Variants in LRRC37A2 observed in about 807,000 individuals in gnomAD.
LRRC37A2 encodes leucine rich repeat containing 37 member A2, also known as leucine-rich repeat-containing protein 37A2.
LRRC37A2 carries 9 observed loss-of-function variants against 68.8 expected under a neutral mutation model. That is an observed-to-expected ratio of 0.13 (90% CI 0.08 to 0.23). The LOEUF is 0.23. LRRC37A2 is among the 10% of genes least tolerant of loss of function. The pLI is 1.00. For missense variants in LRRC37A2, 168 were observed against 950.4 expected (o/e 0.18, Z 10.82); for synonymous variants, 63 against 367.6 (o/e 0.17, Z 9.48).
At chr17:46,906,794 A>G in the LRRC37A2 span, among the ~76,000 whole-genome samples, 1 of 152,246 alleles carries the variant, frequency 6.6e-6, no homozygotes, top group East Asian at 1.9e-4. Context: ...CCCAGATCTG[A>G]ATTCAGGCTG....
At chr17:46,791,025 T>A in the LRRC37A2 span, among the ~76,000 whole-genome samples, 2 of 152,192 alleles carry the variant, frequency 1.3e-5, no homozygotes, top group Non-Finnish European at 2.9e-5. Context: ...TCCCCTTAGC[T>A]TTCTTAGCTG....
At chr17:46,424,635 ATAAT>A in the LRRC37A2 span, among the ~76,000 whole-genome samples, 1 of 112,718 alleles carries the variant, frequency 8.9e-6, no homozygotes, top group African/African-American at 3.0e-5. Context: ...TTGACAGATA[ATAAT>A]TGTATATATT....
At chr17:46,774,661 T>TC in the LRRC37A2 span, among the ~76,000 whole-genome samples, 1 of 152,276 alleles carries the variant, frequency 6.6e-6, no homozygotes, top group Non-Finnish European at 1.5e-5. Context: ...TTCACTCCAT[T>TC]CCTCTGCCCC....
the LRRC37A2 span, among the ~76,000 whole-genome samples, chr17:46,897,785 G>A: frequency 6.6e-6 from 1 of 151,972 alleles, no homozygotes; most frequent in African/African-American, 2.4e-5. Context: ...CCACCACGCT[G>A]GCTACCTTTC....
chr17:46,952,003 C>T, the LRRC37A2 span, among the ~76,000 whole-genome samples: 7 of 152,272 alleles, frequency 4.6e-5, no homozygotes, highest in East Asian at 1.3e-3. Context: ...ATATTTGGTT[C>T]CTGCAATATA....
chr17:46,821,668 C>T, the LRRC37A2 span, among the ~76,000 whole-genome samples: 1 of 152,198 alleles, frequency 6.6e-6, no homozygotes, highest in Non-Finnish European at 1.5e-5. Flanking sequence ...GGCCAGGGAC[C>T]TGGGGACATG....
At chr17:46,840,337 C>T in the LRRC37A2 span, among the ~76,000 whole-genome samples, 2 of 152,170 alleles carry the variant, frequency 1.3e-5, no homozygotes, top group East Asian at 1.9e-4. Flanking sequence ...CCACCCGCCT[C>T]GGCCTCCCAA....
At chr17:46,841,181 T>C in the LRRC37A2 span, among the ~76,000 whole-genome samples, 1 of 152,180 alleles carries the variant, frequency 6.6e-6, no homozygotes, top group Non-Finnish European at 1.5e-5. Flanking sequence ...GACAGGAACA[T>C]GACACGCATG....
the LRRC37A2 span, among the ~76,000 whole-genome samples, chr17:46,820,085 A>T: frequency 6.6e-6 from 1 of 152,210 alleles, no homozygotes; most frequent in Non-Finnish European, 1.5e-5. Flanking sequence ...GGTGAGGGCC[A>T]TGGCTGAAGG....
the LRRC37A2 span, among the ~76,000 whole-genome samples, chr17:46,822,415 A>G: frequency 2.0e-5 from 3 of 152,242 alleles, no homozygotes; most frequent in Non-Finnish European, 2.9e-5. Context: ...GAGTAAGCGC[A>G]TAGTAGGTAA....
chr17:46,657,508 G>C, the LRRC37A2 span, among the ~76,000 whole-genome samples: 1 of 140,758 alleles, frequency 7.1e-6, no homozygotes, highest in Non-Finnish European at 1.6e-5. Context: ...AACTTTTTCA[G>C]AATAGTCACC....
the LRRC37A2 span, among the ~76,000 whole-genome samples, chr17:46,765,541 C>T: frequency 6.9e-4 from 105 of 152,358 alleles, 1 homozygote; most frequent in African/African-American, 2.4e-3. Context: ...CTGCGACTCC[C>T]TTCTCTCTCC....
At chr17:46,764,961 A>C in the LRRC37A2 span, among the ~76,000 whole-genome samples, 1 of 152,172 alleles carries the variant, frequency 6.6e-6, no homozygotes, top group South Asian at 2.1e-4. Context: ...CCAGTCCCCA[A>C]CTCCAAGTCA....
the LRRC37A2 span, among the ~76,000 whole-genome samples, chr17:47,044,644 C>CA: frequency 0.19 from 28,871 of 151,340 alleles, 3,847 homozygotes; most frequent in East Asian, 0.56. Context: ...TTCATTATAC[C>CA]ATTTGAAAAT....
chr17:47,005,169 C>T, the LRRC37A2 span, among the ~76,000 whole-genome samples: 1 of 152,218 alleles, frequency 6.6e-6, no homozygotes, highest in Non-Finnish European at 1.5e-5. Context: ...TTAAGCTTTG[C>T]TTCTTCCTGT....
At chr17:46,896,392 G>GAAAA in the LRRC37A2 span, among the ~76,000 whole-genome samples, 1 of 88,858 alleles carries the variant, frequency 1.1e-5, no homozygotes, top group Non-Finnish European at 2.3e-5. Context: ...AAGAAAGAAA[G>GAAAA]AGAAAGAAAG....
the LRRC37A2 span, among the ~76,000 whole-genome samples, chr17:46,777,439 C>T: frequency 6.6e-6 from 1 of 152,220 alleles, no homozygotes; most frequent in Non-Finnish European, 1.5e-5. Flanking sequence ...CGCAGCCCAG[C>T]AGAGCACCTG....
chr17:46,736,110 T>G, the LRRC37A2 span, among the ~76,000 whole-genome samples: 1 of 152,224 alleles, frequency 6.6e-6, no homozygotes, highest in South Asian at 2.1e-4. Context: ...TTTGCAGTAC[T>G]GGGAAAAGAA....
At chr17:46,838,246 T>C in the LRRC37A2 span, among the ~76,000 whole-genome samples, 2 of 143,596 alleles carry the variant, frequency 1.4e-5, no homozygotes, top group Admixed American at 7.1e-5. Context: ...GGTGGTAAGG[T>C]GGGGAGGGAA....
Sources: gnomAD v4.1 joint callset for allele counts (sites outside exome capture counted in the v4.1 genomes callset) on GRCh38, gnomAD v4.1.1 for gene constraint, MANE v1.5 for transcripts, NCBI Gene and HGNC (gene_info 2026-07-23, HGNC 2026-07-21) for gene names.